Variants in BMP2 observed in about 807,000 individuals in gnomAD.
The protein encoded by BMP2 is bone morphogenetic protein 2A.
In BMP2, 2 loss-of-function variants were observed where a neutral mutation model predicts 28.8. The observed-to-expected ratio is 0.07, with a 90% CI of 0.03 to 0.22. The LOEUF is 0.22. BMP2 is among the 10% of genes least tolerant of loss of function. The probability of loss-of-function intolerance (pLI) is 1.00; values close to 1 mark genes in which losing one functional copy is unlikely to be tolerated. For missense variants in BMP2, 437 were observed against 517.7 expected, an observed-to-expected ratio of 0.84 and a Z score of 1.51; for synonymous variants, 218 against 204.3, an observed-to-expected ratio of 1.07 and a Z score of -0.57.
intron 2 of BMP2, among the ~76,000 whole-genome samples, chr20:6,776,858 T>G (rs1443734503): frequency 6.6e-6 from 1 of 152,014 alleles, no homozygotes; most frequent in Non-Finnish European, 1.5e-5. Context: ...GGCATCTAGA[T>G]TCAGTGCACA....
rs1338256000 is a variant in BMP2, at chr20:6,778,611, G to C, written c.713G>C (p.Gly238Ala). Residue 238 changes from glycine (G) to alanine (A), a missense_variant, in exon 3 of 3, where the codon GGT becomes GCT. This residue lies in a region of BMP2 where 363 missense variants were observed against 392.8 expected (regional missense o/e 0.92). Coordinates refer to ENST00000378827, the MANE Select transcript of BMP2 (RefSeq NM_001200.4). The surrounding 1 kb of genome is among the most constrained non-coding windows in gnomAD (Gnocchi z 5.0). ...GTGGCCCACTTGGAGGAGAAACAAG[G>C]TGTCTCCAAGAGACATGTTAGGATA... ...VEVAHLEEKQGVSKRHVRISR... is the reference protein window; with the variant it reads ...VEVAHLEEKQAVSKRHVRISR... 5 of 1,614,038 alleles carry C rather than the reference G, an allele frequency of 3.1e-6. No homozygotes were observed. Among genetic ancestry groups the C allele is most frequent in the South Asian group, 1.1e-5 (1 of 91,046 alleles).
chr20:6,776,578 C>T (rs1986505594), intron 2 of BMP2, among the ~76,000 whole-genome samples: 1 of 152,358 alleles, frequency 6.6e-6, no homozygotes, highest in South Asian at 2.1e-4. Context: ...AGAATCCCCT[C>T]CTTGAGGAGC....
At chr20:6,777,873 C>G (rs1600172938) in intron 2 of BMP2, among the ~76,000 whole-genome samples, 1 of 149,550 alleles carries the variant, frequency 6.7e-6, no homozygotes, top group Non-Finnish European at 1.5e-5. Context: ...CCTCTACTAA[C>G]TATAGTGCTG....
intron 2 of BMP2, among the ~76,000 whole-genome samples, chr20:6,774,642 CCT>C (rs1986463435): frequency 6.6e-6 from 1 of 152,154 alleles, no homozygotes; most frequent in Non-Finnish European, 1.5e-5. Flanking sequence ...AGTTACATAA[CCT>C]CTCTGAACTG....
At position 6,778,954 on chromosome 20, in the gene BMP2, T is replaced by C. The variant is rs1986564199; in HGVS notation, c.1056T>C (p.Val352=). The C allele has an allele frequency of 6.2e-7, 1 of 1,613,882 alleles. No individual in the cohort carries two copies. Among genetic ancestry groups the C allele is most frequent in the African/African-American group, 1.3e-5 (1 of 74,860 alleles). Residue 352 remains valine, a synonymous_variant, in exon 3 of 3, where the codon GTT becomes GTC. Transcript: ENST00000378827. The surrounding 1 kb of genome is among the most constrained non-coding windows in gnomAD (Gnocchi z 5.0). ...HAIVQTLVNS[V]NSKIPKACCV... ...TTGTTCAGACGTTGGTCAACTCTGTTAACTCTAAGATTCCTAAGGCATGCT... is the reference window on the plus strand; with the variant it reads ...TTGTTCAGACGTTGGTCAACTCTGTCAACTCTAAGATTCCTAAGGCATGCT...
rs539132309 is a variant in BMP2, at chr20:6,768,385, G to C, written c.-498G>C. On this transcript the variant is annotated 5_prime_UTR_variant, in exon 1 of 3. Coordinates refer to ENST00000378827, the MANE Select transcript of BMP2 (RefSeq NM_001200.4). ...AGCCATGGGCCGCGGCGGAGCTAGC[G>C]CGGAGCGCCCGACCCTCGACCCCCG... 5.3e-4 allele frequency: 209 copies of C among 395,918 alleles called. No homozygotes were observed. The highest frequency in any genetic ancestry group is 5.2e-3 in the South Asian group (38 of 7,376). The allele number at this position is 395,918 out of a possible 1,614,324, so 24.5% of individuals were successfully genotyped here.
Position 6,778,163 on chromosome 20 carries a change from CATAG to C in BMP2, c.347-78_347-75del, listed in dbSNP as rs1224969357. On this transcript the variant is annotated intron_variant, in intron 2 of 2. Coordinates refer to ENST00000378827, the MANE Select transcript of BMP2 (RefSeq NM_001200.4). The surrounding 1 kb of genome is among the most constrained non-coding windows in gnomAD (Gnocchi z 5.0). ...TCCCACGATGAGGTTTAAAAATTCT[CATAG>C]ATAATCAAACGTCATTACTTGGCTT... 9 of 1,510,936 alleles carry C rather than the reference CATAG, an allele frequency of 6.0e-6. No homozygotes were observed. In the Admixed American group the frequency reaches 6.9e-5, roughly 12 times the overall value. 93.6% of individuals were successfully genotyped at this position (1,510,936 alleles called of 1,614,324 possible).
rs535084968 is a variant in BMP2, at chr20:6,768,371, G to A, written c.-512G>A. 217 of 396,694 alleles carry A rather than the reference G, an allele frequency of 5.5e-4. 1 individual carries two copies. The highest frequency in any genetic ancestry group is 4.3e-3 in the African/African-American group (208 of 48,620). 24.6% of individuals were successfully genotyped at this position (396,694 alleles called of 1,614,324 possible). ...GGATGGCTGCCCCGAGCCATGGGCCGCGGCGGAGCTAGCGCGGAGCGCCCG... is the reference window on the plus strand; with the variant it reads ...GGATGGCTGCCCCGAGCCATGGGCCACGGCGGAGCTAGCGCGGAGCGCCCG... On this transcript the variant is annotated 5_prime_UTR_variant, in exon 1 of 3. Coordinates refer to ENST00000378827, the MANE Select transcript of BMP2 (RefSeq NM_001200.4).
chr20:6,780,160 C>G lies in BMP2; in HGVS notation c.*1071C>G, dbSNP rs1382323226. On this transcript the variant is annotated 3_prime_UTR_variant, in exon 3 of 3. Coordinates refer to ENST00000378827, the MANE Select transcript of BMP2 (RefSeq NM_001200.4). Reference sequence around the variant, plus strand: ...CACCCTCTGTTCTCTGACCTATCAGCTTGCTTTTCTTTCCAAGGTTGTGTG... The same window carrying G: ...CACCCTCTGTTCTCTGACCTATCAGGTTGCTTTTCTTTCCAAGGTTGTGTG... 1 of 152,612 alleles carries G rather than the reference C, an allele frequency of 6.6e-6. No homozygotes were observed. The highest frequency in any genetic ancestry group is 2.4e-5 in the African/African-American group (1 of 41,440). The allele number at this position is 152,612 out of a possible 1,614,324, so 9.5% of individuals were successfully genotyped here.
chr20:6,768,286 G>A lies in BMP2; in HGVS notation c.-597G>A, dbSNP rs1430771127. 2.5e-6 allele frequency: 1 copy of A among 397,992 alleles called. No homozygotes were observed. The highest frequency in any genetic ancestry group is 4.4e-6 in the Non-Finnish European group (1 of 225,804). 24.7% of individuals were successfully genotyped at this position (397,992 alleles called of 1,614,324 possible). On this transcript the variant is annotated 5_prime_UTR_variant, in exon 1 of 3. Transcript: ENST00000378827. Reference sequence around the variant, plus strand: ...TGGAGTAAGGCAGAGTGATGCGGGGGGGCAACTCGCCTGGCACCGAGATCG... The same window carrying A: ...TGGAGTAAGGCAGAGTGATGCGGGGAGGCAACTCGCCTGGCACCGAGATCG...
intron 1 of BMP2, among the ~76,000 whole-genome samples, chr20:6,769,792 C>T (rs546175903): frequency 8.5e-5 from 13 of 152,132 alleles, no homozygotes; most frequent in East Asian, 1.9e-4. Context: ...CCCAGGTTCC[C>T]GGCATTGGCT....
At chr20:6,777,547 A>C (rs1444795509) in intron 2 of BMP2, among the ~76,000 whole-genome samples, 2 of 152,190 alleles carry the variant, frequency 1.3e-5, no homozygotes, top group African/African-American at 4.8e-5. Context: ...ACAGTTGGGA[A>C]AGCTATTTCT....
chr20:6,779,954 T>A lies in BMP2; in HGVS notation c.*865T>A, dbSNP rs1358895329. ...GTATTCAATAAAACGTAAGATTTCT[T>A]CATTATTGATATTGTGGTCATATAT... On this transcript the variant is annotated 3_prime_UTR_variant, in exon 3 of 3. Transcript: ENST00000378827. 1 of 152,572 alleles carries A rather than the reference T, an allele frequency of 6.6e-6. No individual in the cohort carries two copies. The highest frequency in any genetic ancestry group is 1.5e-5 in the Non-Finnish European group (1 of 68,052). 9.5% of individuals were successfully genotyped at this position (152,572 alleles called of 1,614,324 possible).
intron 2 of BMP2, among the ~76,000 whole-genome samples, chr20:6,774,892 T>A (rs2122384427): frequency 6.6e-6 from 1 of 152,308 alleles, no homozygotes; most frequent in East Asian, 1.9e-4. Context: ...TATTTTGAGG[T>A]AGAGGAATGA....
chr20:6,773,559 G>A (rs190956786), intron 2 of BMP2, among the ~76,000 whole-genome samples: 3 of 152,248 alleles, frequency 2.0e-5, no homozygotes, highest in Non-Finnish European at 4.4e-5. Flanking sequence ...TGCTCTTTGT[G>A]TATTTTCACT....
chr20:6,768,209 G>A lies in BMP2; in HGVS notation c.-674G>A. ...GCCGGAGAATGCGCCCGAGGACGAC[G>A]GGGCGCCAGAGCCGCGGTGCTTTCA... On this transcript the variant is annotated 5_prime_UTR_variant, in exon 1 of 3. Coordinates refer to ENST00000378827, the MANE Select transcript of BMP2 (RefSeq NM_001200.4). The A allele has an allele frequency of 2.5e-6, 1 of 398,368 alleles. No homozygotes were observed. The highest frequency in any genetic ancestry group is 4.4e-6 in the Non-Finnish European group (1 of 225,942). 24.7% of individuals were successfully genotyped at this position (398,368 alleles called of 1,614,324 possible).
In BMP2 at chr20:6,768,093, G is replaced by C. The variant is rs115405923; in HGVS notation, c.-790G>C. ...TGGCCGAGGTGTGATCGGACCCCAG[G>C]CTAGCCACAAAGGGCACTTGGCCCC... is the stretch of plus-strand genomic sequence containing the variant. On this transcript the variant is annotated 5_prime_UTR_variant, in exon 1 of 3. Coordinates refer to ENST00000378827, the MANE Select transcript of BMP2 (RefSeq NM_001200.4). The C allele has an allele frequency of 2.5e-6, 1 of 398,236 alleles. No individual in the cohort carries two copies. Among genetic ancestry groups the C allele is most frequent in the East Asian group, 3.6e-5 (1 of 28,036 alleles). 24.7% of individuals were successfully genotyped at this position (398,236 alleles called of 1,614,324 possible).
At chr20:6,772,289 T>C (rs1447153824) in intron 2 of BMP2, among the ~76,000 whole-genome samples, 1 of 152,354 alleles carries the variant, frequency 6.6e-6, no homozygotes, top group African/African-American at 2.4e-5. Flanking sequence ...GTGTAAATGT[T>C]ACCTGAGAAA....
intron 1 of BMP2, among the ~76,000 whole-genome samples, chr20:6,769,328 G>A (rs1158304308): frequency 1.3e-5 from 2 of 152,128 alleles, no homozygotes; most frequent in East Asian, 1.9e-4. Flanking sequence ...GTCCCATTTA[G>A]GAAAGTACTA....
Sources: allele counts gnomAD v4.1 joint callset (sites outside exome capture counted in the v4.1 genomes callset), GRCh38; gene constraint gnomAD v4.1.1; regional missense constraint gnomAD v4.1.1; non-coding constraint Gnocchi (gnomAD v3.1); transcripts MANE v1.5; gene names NCBI Gene and HGNC (gene_info 2026-07-23, HGNC 2026-07-21).